Variants in ADGRG6 observed in about 807,000 individuals in gnomAD.
The protein encoded by ADGRG6 is G-protein coupled receptor 126.
A neutral mutation model predicts 142.4 loss-of-function variants in ADGRG6; 84 were observed. The observed-to-expected ratio is 0.59, with a 90% CI of 0.49 to 0.71. The LOEUF is 0.71. Ranked by LOEUF, ADGRG6 falls within the 30% of genes least tolerant of loss-of-function variation. The probability of loss-of-function intolerance (pLI) is 0.00; values close to 1 mark genes in which losing one functional copy is unlikely to be tolerated. For missense variants in ADGRG6, 1,367 were observed against 1,466.6 expected, an observed-to-expected ratio of 0.93 and a Z score of 1.11; for synonymous variants, 521 against 520.5, an observed-to-expected ratio of 1.00 and a Z score of -0.01.
At chr6:142,416,460 A>G (rs1181694509) in intron 20 of ADGRG6, among the ~76,000 whole-genome samples, 2 of 152,182 alleles carry the variant, frequency 1.3e-5, no homozygotes, top group Non-Finnish European at 2.9e-5. Flanking sequence ...TGTCTTGGAA[A>G]CCAGAGAAAG....
chr6:142,422,134 G>A (rs902527171), intron 22 of ADGRG6, among the ~76,000 whole-genome samples: 28 of 152,082 alleles, frequency 1.8e-4, no homozygotes, highest in African/African-American at 6.7e-4. Flanking sequence ...AGGTAGTAAG[G>A]AGGCAAACTA....
intron 22 of ADGRG6, among the ~76,000 whole-genome samples, chr6:142,422,822 AC>A (rs1776728252): frequency 7.3e-6 from 1 of 137,912 alleles, no homozygotes; most frequent in Non-Finnish European, 1.6e-5. Context: ...CCTCTCCAGC[AC>A]CTGTTGTTTC....
chr6:142,407,544 G>T (rs1466862789), intron 15 of ADGRG6, among the ~76,000 whole-genome samples: 1 of 152,146 alleles, frequency 6.6e-6, no homozygotes, highest in Non-Finnish European at 1.5e-5. Flanking sequence ...ATGCTTATTG[G>T]TCCAAACCAT....
intron 2 of ADGRG6, among the ~76,000 whole-genome samples, chr6:142,317,376 C>G (rs968142490): frequency 6.6e-6 from 1 of 151,988 alleles, no homozygotes; most frequent in African/African-American, 2.4e-5. Context: ...AAATGTGTAG[C>G]AAATGAATTG....
intron 3 of ADGRG6, 86 bp from the exon 4 acceptor site, chr6:142,370,084 A>G (rs28566158): frequency 8.7e-7 from 1 of 1,151,720 alleles, no homozygotes; most frequent in Non-Finnish European, 1.2e-6. Flanking sequence ...ACTAGTAGAA[A>G]GCGATGGAGG....
Position 142,402,276 on chromosome 6 carries a change from A to C in ADGRG6, c.1744+218A>C, listed in dbSNP as rs116595020. 8.4e-3 allele frequency among the ~76,000 whole-genome samples: 1,273 copies of C among 152,288 alleles called. 16 individuals are homozygous for C. The highest frequency in any genetic ancestry group is 0.029 in the African/African-American group (1,201 of 41,570). ...AAATAGTAAGGAAAATCTAGAGAAG[A>C]CAAAACTAATATATAAATTGATATT... On this transcript the variant is annotated intron_variant, in intron 12 of 24. Transcript: ENST00000367609.
chr6:142,394,240 G>A (rs1035924999), intron 9 of ADGRG6, among the ~76,000 whole-genome samples: 1 of 152,064 alleles, frequency 6.6e-6, no homozygotes. Flanking sequence ...ATAACCCATT[G>A]CCTCTTACTT....
In ADGRG6 at chr6:142,309,566, TG is replaced by T; in HGVS notation, c.27del (p.Trp9Ter). On this transcript the variant is annotated frameshift_variant, in exon 2 of 25. Transcript: ENST00000367609. LOFTEE classifies it high-confidence loss of function. MMFRSDRMWSCHWKWKPSP... is the reference protein window; with the variant it reads MMFRSDRMXSCHWKWKPSP... Reference sequence around the variant, plus strand: ...CAGGATGTTTCGCTCAGATCGAATGTGGAGCTGCCATTGGAAATGGAAGCCC... The same window carrying T: ...CAGGATGTTTCGCTCAGATCGAATGTGAGCTGCCATTGGAAATGGAAGCCC... The T allele has an allele frequency of 6.2e-7, 1 of 1,609,296 alleles. No individual in the cohort carries two copies. Among genetic ancestry groups the T allele is most frequent in the South Asian group, 1.1e-5 (1 of 90,160 alleles).
rs933972951 is a variant in ADGRG6 at position 142,441,095 on chromosome 6, G to A, written c.3575-2242G>A. The A allele has an allele frequency of 1.1e-5, 6 of 547,444 alleles. No individual in the cohort carries two copies. In the Admixed American group the frequency reaches 1.2e-4, roughly 11 times the overall value. The allele number at this position is 547,444 out of a possible 1,614,324, so 33.9% of individuals were successfully genotyped here. A position where few individuals can be genotyped will look rare whatever the true frequency, so the allele number is the denominator to read the frequency against. ...TAGCACAATGACATTCCTGCATTGA[G>A]CTGGAATTTCTGAAGTTTTGAATGA... On this transcript the variant is annotated intron_variant, in intron 24 of 24. Transcript: ENST00000367609.
At chr6:142,317,887 T>C (rs1778202426) in intron 2 of ADGRG6, among the ~76,000 whole-genome samples, 1 of 78,292 alleles carries the variant, frequency 1.3e-5, no homozygotes, top group African/African-American at 5.6e-5. Context: ...TATATATATT[T>C]ATATTATATA....
intron 4 of ADGRG6, among the ~76,000 whole-genome samples, chr6:142,373,912 G>A (rs1781376305): frequency 7.1e-6 from 1 of 141,032 alleles, no homozygotes; most frequent in South Asian, 2.2e-4. Flanking sequence ...TTTTAAGTTG[G>A]GGTCTTACTG....
chr6:142,305,769 G>C (rs1777465653), intron 1 of ADGRG6, among the ~76,000 whole-genome samples: 1 of 152,078 alleles, frequency 6.6e-6, no homozygotes, highest in Non-Finnish European at 1.5e-5. Flanking sequence ...CTCACCTCTA[G>C]TATAAGCCAG....
intron 19 of ADGRG6, 96 bp from the exon 20 acceptor site, chr6:142,415,700 G>C: frequency 5.2e-6 from 4 of 771,578 alleles, no homozygotes; most frequent in Non-Finnish European, 8.5e-6. Context: ...TTATCTCATT[G>C]CAGGGTTGTA....
intron 10 of ADGRG6, among the ~76,000 whole-genome samples, chr6:142,398,670 C>G (rs944879031): frequency 3.3e-5 from 5 of 152,068 alleles, no homozygotes; most frequent in Admixed American, 1.3e-4. Flanking sequence ...CTTCTCCACT[C>G]CCACCGGCAA....
At chr6:142,404,223 A>G in intron 14 of ADGRG6, 1 of 449,900 alleles carries the variant, frequency 2.2e-6, no homozygotes, top group South Asian at 2.5e-5. Flanking sequence ...GCTAAGCATG[A>G]GTAGGGGCCA....
rs1777963046 is a variant in ADGRG6, at chr6:142,446,150, C to G, written c.*2635C>G. On this transcript the variant is annotated 3_prime_UTR_variant, in exon 25 of 25. Coordinates refer to ENST00000367609, the MANE Select transcript of ADGRG6 (RefSeq NM_198569.3). ...CTTTGAATATGATGAATAAAAGTGA[C>G]TGTGAGTGCAAATAGAATTAGCAGT... 1 of 152,510 alleles carries G rather than the reference C, an allele frequency of 6.6e-6. No individual in the cohort carries two copies. The highest frequency in any genetic ancestry group is 2.4e-5 in the African/African-American group (1 of 41,416). The allele number at this position is 152,510 out of a possible 1,614,324, so 9.4% of individuals were successfully genotyped here. A position where few individuals can be genotyped will look rare whatever the true frequency, so the allele number is the denominator to read the frequency against.
At position 142,419,899 on chromosome 6, in the gene ADGRG6, C is replaced by A; in HGVS notation, c.3114C>A (p.Ala1038=). 1.2e-6 allele frequency: 2 copies of A among 1,610,508 alleles called. No homozygotes were observed. Among genetic ancestry groups the A allele is most frequent in the Non-Finnish European group, 1.7e-6 (2 of 1,177,054 alleles). ...GAGTCATGTTTTTTCTGAACATTGC[C>A]ATGTTCATTGTGGTAATGGTGCAGA... ...YFGVMFFLNI[A]MFIVVMVQIC... is the part of the protein sequence containing the mutation. The change falls in exon 22 of 25, where the codon GCC becomes GCA. Residue 1038 remains alanine (A), a synonymous_variant. Transcript: ENST00000367609.
chr6:142,322,277 G>A (rs1057220932), intron 2 of ADGRG6, among the ~76,000 whole-genome samples: 2 of 152,062 alleles, frequency 1.3e-5, no homozygotes, highest in African/African-American at 4.8e-5. Flanking sequence ...GCACATGCCT[G>A]TGGTCCCAGT....
At chr6:142,366,812 T>A (rs1306040903) in intron 2 of ADGRG6, among the ~76,000 whole-genome samples, 1 of 151,930 alleles carries the variant, frequency 6.6e-6, no homozygotes, top group Non-Finnish European at 1.5e-5. Context: ...TCATTGATAT[T>A]GATATATATT....
Sources: gnomAD v4.1 joint callset for allele counts (sites outside exome capture counted in the v4.1 genomes callset) on GRCh38, gnomAD v4.1.1 for gene constraint, MANE v1.5 for transcripts, NCBI Gene and HGNC (gene_info 2026-07-23, HGNC 2026-07-21) for gene names.